The following DAAM1 variants were observed in gnomAD, a reference collection of about 807,000 sequenced individuals.
The protein encoded by DAAM1 is dishevelled associated activator of morphogenesis 1.
DAAM1 carries 52 observed loss-of-function variants against 130.0 expected under a neutral mutation model. The ratio of observed to expected loss-of-function variants is 0.40; its 90% CI spans 0.32 to 0.50. The LOEUF (loss-of-function observed/expected upper bound fraction) is 0.50, where lower values mean the gene tolerates loss of function less well. Ranked by LOEUF, DAAM1 falls within the 20% of genes least tolerant of loss-of-function variation. The probability of loss-of-function intolerance (pLI) is 0.61; values close to 1 mark genes in which losing one functional copy is unlikely to be tolerated. For missense variants in DAAM1, 1,134 were observed against 1,303.8 expected (o/e 0.87, Z 2.01); for synonymous variants, 452 against 444.5 (o/e 1.02, Z -0.21).
At chr14:59,207,376 CT>C (rs1888291704) in intron 1 of DAAM1, among the ~76,000 whole-genome samples, 1 of 152,170 alleles carries the variant, frequency 6.6e-6, no homozygotes, top group African/African-American at 2.4e-5. Context: ...GTGAGATAGT[CT>C]AGTCCAACAG....
intron 1 of DAAM1, among the ~76,000 whole-genome samples, chr14:59,211,196 T>A (rs1225306910): frequency 2.6e-5 from 4 of 152,132 alleles, no homozygotes; most frequent in African/African-American, 9.7e-5. Context: ...TGTTTAAAAT[T>A]TTAGATGATT....
At chr14:59,264,004 C>T (rs1882312198) in intron 2 of DAAM1, 1 of 340,550 alleles carries the variant, frequency 2.9e-6, no homozygotes, top group Non-Finnish European at 5.6e-6. Flanking sequence ...TAAATAATTC[C>T]TTCATTTACT....
chr14:59,323,507 G>A (rs780999391), intron 6 of DAAM1, among the ~76,000 whole-genome samples: 19 of 152,014 alleles, frequency 1.2e-4, no homozygotes, highest in Non-Finnish European at 2.5e-4. Context: ...CACCAAACTG[G>A]GTGTTCCCTG....
chr14:59,302,995 T>G (rs1159174147), intron 3 of DAAM1, among the ~76,000 whole-genome samples: 1 of 152,190 alleles, frequency 6.6e-6, no homozygotes, highest in African/African-American at 2.4e-5. Flanking sequence ...TTAACAGCTC[T>G]GGTGCAAGTC....
At chr14:59,366,821 G>A (rs1184352695) in intron 23 of DAAM1, among the ~76,000 whole-genome samples, 2 of 152,012 alleles carry the variant, frequency 1.3e-5, no homozygotes, top group African/African-American at 4.8e-5. Context: ...GGCTTAAGAG[G>A]AAGGATTGCC....
intron 1 of DAAM1, among the ~76,000 whole-genome samples, chr14:59,248,465 T>C (rs981602330): frequency 2.0e-5 from 3 of 152,218 alleles, no homozygotes; most frequent in African/African-American, 7.2e-5. Context: ...AGTGTTTGTT[T>C]AGCTATGTGA....
At chr14:59,237,956 C>T (rs1434417994) in intron 1 of DAAM1, among the ~76,000 whole-genome samples, 3 of 152,150 alleles carry the variant, frequency 2.0e-5, no homozygotes, top group Non-Finnish European at 4.4e-5. Flanking sequence ...TATTTGCTCC[C>T]TCAGATCTTT....
At chr14:59,302,169 A>G (rs923793951) in intron 3 of DAAM1, among the ~76,000 whole-genome samples, 1 of 152,218 alleles carries the variant, frequency 6.6e-6, no homozygotes, top group African/African-American at 2.4e-5. Context: ...GGAATATCCA[A>G]GCACTTTAGT....
intron 16 of DAAM1, among the ~76,000 whole-genome samples, chr14:59,346,261 G>A (rs988912291): frequency 1.3e-5 from 2 of 152,000 alleles, no homozygotes; most frequent in East Asian, 1.9e-4. Context: ...AGGAAGTATC[G>A]GAGACAGGAC....
In DAAM1 at chr14:59,252,541, C is replaced by A. The variant is rs76687911; in HGVS notation, c.-37-10900C>A. ...ACAATTTGCAGATAAGCTGACCAACCTGCAGAGCCCTTGATTTAGTGATGA... is the reference window on the plus strand; with the variant it reads ...ACAATTTGCAGATAAGCTGACCAACATGCAGAGCCCTTGATTTAGTGATGA... On this transcript the variant is annotated intron_variant, in intron 1 of 24. Coordinates refer to ENST00000360909, the MANE Select transcript of DAAM1 (RefSeq NM_001270520.2). Among the ~76,000 whole-genome samples, 513 of 152,328 alleles carry A rather than the reference C, an allele frequency of 3.4e-3. 4 individuals are homozygous for A. The highest frequency in any genetic ancestry group is 0.01 in the Middle Eastern group (3 of 294).
intron 3 of DAAM1, among the ~76,000 whole-genome samples, chr14:59,307,238 A>G (rs1464371330): frequency 1.3e-5 from 2 of 152,214 alleles, no homozygotes; most frequent in East Asian, 1.9e-4. Context: ...AGCACTTCCA[A>G]TGGTTCTTAT....
chr14:59,200,326 A>G (rs1453730002), intron 1 of DAAM1, among the ~76,000 whole-genome samples: 4 of 152,066 alleles, frequency 2.6e-5, no homozygotes, highest in African/African-American at 7.2e-5. Context: ...GGGAAGGCCA[A>G]CTCTGTCATT....
intron 4 of DAAM1, among the ~76,000 whole-genome samples, chr14:59,319,408 C>G (rs904246723): frequency 1.3e-5 from 2 of 152,168 alleles, no homozygotes; most frequent in African/African-American, 4.8e-5. Context: ...TTGATTGTCA[C>G]TCTTGATGAG....
intron 1 of DAAM1, among the ~76,000 whole-genome samples, chr14:59,231,503 C>T (rs1000267157): frequency 1.3e-5 from 2 of 152,146 alleles, no homozygotes; most frequent in African/African-American, 4.8e-5. Flanking sequence ...AATAAAACCA[C>T]ATTTAAAAAC....
chr14:59,190,585 C>A (rs971953175), intron 1 of DAAM1, among the ~76,000 whole-genome samples: 2 of 152,124 alleles, frequency 1.3e-5, no homozygotes, highest in African/African-American at 2.4e-5. Flanking sequence ...GGCTAGAGGG[C>A]GCAGGTCCTT....
At chr14:59,262,485 C>T (rs552774019) in intron 1 of DAAM1, among the ~76,000 whole-genome samples, 61 of 152,182 alleles carry the variant, frequency 4.0e-4, no homozygotes, top group Non-Finnish European at 7.2e-4. Flanking sequence ...AATAGTTCTC[C>T]AACCCTCTGT....
chr14:59,356,397 A>G (rs1021720112), intron 20 of DAAM1, among the ~76,000 whole-genome samples: 5 of 152,212 alleles, frequency 3.3e-5, no homozygotes, highest in Admixed American at 1.3e-4. Flanking sequence ...CTTATTTTTA[A>G]TGTAAACACT....
At chr14:59,250,543 G>A (rs528923742) in intron 1 of DAAM1, among the ~76,000 whole-genome samples, 1 of 152,172 alleles carries the variant, frequency 6.6e-6, no homozygotes, top group African/African-American at 2.4e-5. Context: ...TGTATACTTA[G>A]AGTTTTAATG....
intron 1 of DAAM1, among the ~76,000 whole-genome samples, chr14:59,200,683 C>T (rs1024309532): frequency 1.8e-4 from 27 of 152,176 alleles, no homozygotes; most frequent in Admixed American, 3.3e-4. Flanking sequence ...TGTAAAACAA[C>T]GTTCCTTCGC....
Sources: allele counts gnomAD v4.1 joint callset (sites outside exome capture counted in the v4.1 genomes callset), GRCh38; gene constraint gnomAD v4.1.1; transcripts MANE v1.5; gene names NCBI Gene and HGNC (gene_info 2026-07-23, HGNC 2026-07-21).